The following MGAT5 variants were observed in gnomAD, a reference collection of about 807,000 sequenced individuals.
The protein encoded by MGAT5 is alpha-1,6-mannosylglycoprotein 6-beta-N-acetylglucosaminyltransferase, also known as alpha-1,6-mannosylglycoprotein 6-beta-N-acetylglucosaminyltransferase A.
MGAT5 carries 30 observed loss-of-function variants against 94.3 expected under a neutral mutation model. That is an observed-to-expected ratio of 0.32 (90% CI 0.24 to 0.43). MGAT5 has a LOEUF of 0.43. MGAT5 is among the 20% of genes least tolerant of loss of function. MGAT5 has a pLI of 1.00. For missense variants in MGAT5, 691 were observed against 905.5 expected (o/e 0.76, Z 3.04); for synonymous variants, 310 against 322.9 (o/e 0.96, Z 0.43).
chr2:134,448,653 A>C lies in MGAT5; in HGVS notation c.2032A>C (p.Lys678Gln). 6.2e-7 allele frequency: 1 copy of C among 1,614,138 alleles called. No individual in the cohort carries two copies. Among genetic ancestry groups the C allele is most frequent in the East Asian group, 2.2e-5 (1 of 44,872 alleles). ...TGCCTTTCTCTTCCTCTTCAGGTAC[A>C]AGGTGACCTGCCAAAGCTCAGAGCT... ...LNKDKDMLKY[K>Q]VTCQSSELAK... The change falls in exon 16 of 16, where the codon AAG becomes CAG. Residue 678 changes from lysine to glutamine, a missense_variant. Physicochemically the swap from Lys to Gln is moderately conservative, Grantham distance 53 (BLOSUM62 1). This residue lies in a region of MGAT5 where 260 missense variants were observed against 347.0 expected (regional missense o/e 0.75). Coordinates refer to ENST00000281923, the MANE Select transcript of MGAT5 (RefSeq NM_002410.5).
intron 4 of MGAT5, among the ~76,000 whole-genome samples, chr2:134,333,751 C>T (rs1261917205): frequency 6.6e-6 from 1 of 152,054 alleles, no homozygotes; most frequent in East Asian, 1.9e-4. Context: ...CAAGATTTTC[C>T]TTGAATGTTA....
intron 1 of MGAT5, among the ~76,000 whole-genome samples, chr2:134,225,117 G>T (rs928755218): frequency 4.6e-5 from 7 of 151,778 alleles, no homozygotes; most frequent in Non-Finnish European, 1.0e-4. Context: ...GTGGAAATCG[G>T]GGGGGAATTT....
chr2:134,370,288 G>A (rs774354490), intron 10 of MGAT5, among the ~76,000 whole-genome samples: 15 of 152,202 alleles, frequency 9.9e-5, no homozygotes, highest in Non-Finnish European at 2.1e-4. Context: ...ATTAAACCTT[G>A]TCATTCTGTT....
At chr2:134,230,120 G>A (rs1255861591) in intron 1 of MGAT5, among the ~76,000 whole-genome samples, 2 of 152,190 alleles carry the variant, frequency 1.3e-5, no homozygotes, top group Admixed American at 6.5e-5. Flanking sequence ...ATTTTTCCAC[G>A]GATGAAGGGG....
chr2:134,406,227 C>G (rs1214877728), intron 11 of MGAT5, among the ~76,000 whole-genome samples: 3 of 152,200 alleles, frequency 2.0e-5, no homozygotes, highest in Non-Finnish European at 2.9e-5. Context: ...GCATTTGCAT[C>G]TGCAACTCAC....
At chr2:134,333,272 A>G (rs1391360682) in intron 4 of MGAT5, among the ~76,000 whole-genome samples, 1 of 152,034 alleles carries the variant, frequency 6.6e-6, no homozygotes, top group Non-Finnish European at 1.5e-5. Flanking sequence ...TGATGAGTTC[A>G]TGTCCTTTGT....
At chr2:134,124,373 T>G (rs1357302826) in intron 1 of MGAT5, among the ~76,000 whole-genome samples, 9 of 152,216 alleles carry the variant, frequency 5.9e-5, no homozygotes, top group Non-Finnish European at 8.8e-5. Flanking sequence ...CAGGGCTATG[T>G]GTGTGCATGG....
At chr2:134,283,640 A>G (rs1404764918) in intron 2 of MGAT5, among the ~76,000 whole-genome samples, 2 of 124,754 alleles carry the variant, frequency 1.6e-5, no homozygotes, top group African/African-American at 3.1e-5. Context: ...TGAGGAATGT[A>G]GTATCTTTTT....
chr2:134,403,068 T>C lies in MGAT5; in HGVS notation c.1461T>C (p.Ile487=). Residue 487 remains isoleucine (I), a synonymous_variant, in exon 11 of 16, where the codon ATT becomes ATC. Transcript: ENST00000281923. ...ATVYGSSTKN[I]PSYVKNHGIL... ...TTTATGGCTCCAGCACAAAGAATAT[T>C]CCCAGTTACGTGAAAAACCATGGTA... The C allele has an allele frequency of 4.3e-6, 7 of 1,612,412 alleles. No homozygotes were observed. Among genetic ancestry groups the C allele is most frequent in the South Asian group, 1.1e-5 (1 of 90,632 alleles).
rs62170036 is a variant in MGAT5 at position 134,428,486 on chromosome 2, T to G, written c.1869+47T>G. On this transcript the variant is annotated intron_variant, in intron 14 of 15. Coordinates refer to ENST00000281923, the MANE Select transcript of MGAT5 (RefSeq NM_002410.5). Reference sequence around the variant, plus strand: ...TCTGTCTTTGCTGTGTACTGCTTCCTGTGACGCCATAGGGCTCTCAAGAAC... The same window carrying G: ...TCTGTCTTTGCTGTGTACTGCTTCCGGTGACGCCATAGGGCTCTCAAGAAC... 0.093 allele frequency: 142,419 copies of G among 1,537,118 alleles called. 7,090 individuals carry two copies. The highest frequency in any genetic ancestry group is 0.15 in the Admixed American group (8,875 of 59,776).
At chr2:134,429,589 A>G (rs1323420879) in intron 14 of MGAT5, among the ~76,000 whole-genome samples, 2 of 152,250 alleles carry the variant, frequency 1.3e-5, no homozygotes, top group African/African-American at 4.8e-5. Context: ...GCTAATACAT[A>G]CAAAGTGCTT....
intron 14 of MGAT5, among the ~76,000 whole-genome samples, chr2:134,436,290 C>T (rs1203120826): frequency 6.6e-6 from 1 of 152,190 alleles, no homozygotes; most frequent in Non-Finnish European, 1.5e-5. Flanking sequence ...AGGCCTCCCT[C>T]TGTTCAGTGT....
At chr2:134,339,193 G>C (rs2105993713) in intron 6 of MGAT5, among the ~76,000 whole-genome samples, 1 of 152,178 alleles carries the variant, frequency 6.6e-6, no homozygotes, top group East Asian at 1.9e-4. Flanking sequence ...GAATTTGTGA[G>C]ACAACAGGAC....
intron 1 of MGAT5, among the ~76,000 whole-genome samples, chr2:134,172,600 A>T (rs1034375246): frequency 6.6e-6 from 1 of 152,040 alleles, no homozygotes; most frequent in Non-Finnish European, 1.5e-5. Flanking sequence ...GTTAGCCAGG[A>T]TGGTCTCGAT....
chr2:134,243,294 T>A (rs1011489570), intron 1 of MGAT5, among the ~76,000 whole-genome samples: 3 of 152,150 alleles, frequency 2.0e-5, no homozygotes, highest in Admixed American at 1.3e-4. Flanking sequence ...TGATTCTATG[T>A]ACATCATAGT....
intron 1 of MGAT5, among the ~76,000 whole-genome samples, chr2:134,120,815 C>G (rs932960590): frequency 4.0e-5 from 6 of 151,826 alleles, no homozygotes; most frequent in African/African-American, 1.2e-4. Context: ...GAGGCTGGCC[C>G]CGAGCCCCTA....
intron 1 of MGAT5, among the ~76,000 whole-genome samples, chr2:134,187,902 A>C (rs1689126217): frequency 6.6e-6 from 1 of 152,244 alleles, no homozygotes; most frequent in Non-Finnish European, 1.5e-5. Flanking sequence ...ACTTTAAGTA[A>C]TAGGGAAAAA....
At position 134,388,087 on chromosome 2, in the gene MGAT5, T is replaced by C. The variant is rs1426609787; in HGVS notation, c.1381-14901T>C. On this transcript the variant is annotated intron_variant, in intron 10 of 15. Transcript: ENST00000281923. ...GTAGAAGGGAGGCACAGAACTAACATGGAAGGTCCCTAAAGCTCAAAATTG... is the reference window on the plus strand; with the variant it reads ...GTAGAAGGGAGGCACAGAACTAACACGGAAGGTCCCTAAAGCTCAAAATTG... Among the ~76,000 whole-genome samples, 12 of 152,272 alleles carry C rather than the reference T, an allele frequency of 7.9e-5. No individual in the cohort carries two copies. In the South Asian group the frequency reaches 1.0e-3, roughly 13 times the overall value.
intron 10 of MGAT5, among the ~76,000 whole-genome samples, chr2:134,402,769 A>T (rs1343392508): frequency 6.6e-6 from 1 of 152,252 alleles, no homozygotes; most frequent in Admixed American, 6.5e-5. Flanking sequence ...ATTTCTTCTT[A>T]AAAAATTATA....
Sources: gnomAD v4.1 joint callset for allele counts (sites outside exome capture counted in the v4.1 genomes callset) on GRCh38, gnomAD v4.1.1 for gene constraint, gnomAD v4.1.1 regional missense constraint, MANE v1.5 for transcripts, NCBI Gene and HGNC (gene_info 2026-07-23, HGNC 2026-07-21) for gene names.